The following NFIB variants were observed in gnomAD, a reference collection of about 807,000 sequenced individuals.
NFIB encodes the protein nuclear factor 1 B-type.
NFIB carries 11 observed loss-of-function variants against 61.5 expected under a neutral mutation model. That is an observed-to-expected ratio of 0.18 (90% CI 0.11 to 0.30). NFIB has a LOEUF of 0.30. Ranked by LOEUF, NFIB falls within the 10% of genes least tolerant of loss-of-function variation. The probability of loss-of-function intolerance (pLI) is 1.00; values close to 1 mark genes in which losing one functional copy is unlikely to be tolerated. For synonymous variants in NFIB, 260 were observed against 216.5 expected, an observed-to-expected ratio of 1.20 and a Z score of -1.76; for missense variants, 471 against 608.9, an observed-to-expected ratio of 0.77 and a Z score of 2.38.
At chr9:14,508,899 CTTAT>C in the NFIB span, among the ~76,000 whole-genome samples, 2 of 152,154 alleles carry the variant, frequency 1.3e-5, no homozygotes, top group African/African-American at 4.8e-5. Flanking sequence ...CAAATTGAAA[CTTAT>C]TTGTTTGACA....
At chr9:14,346,185 G>C (rs554438080) in intron 1 of NFIB, among the ~76,000 whole-genome samples, 22 of 152,076 alleles carry the variant, frequency 1.4e-4, no homozygotes, top group African/African-American at 5.1e-4. Context: ...CTTGCGGTGG[G>C]CGCCGGAGTC....
chr9:14,468,133 G>A, the NFIB span, among the ~76,000 whole-genome samples: 1 of 152,166 alleles, frequency 6.6e-6, no homozygotes, highest in African/African-American at 2.4e-5. Context: ...AAAACCAACC[G>A]ATTTGACAAA....
intron 2 of NFIB, among the ~76,000 whole-genome samples, chr9:14,258,232 C>A (rs1239740417): frequency 3.9e-5 from 6 of 152,312 alleles, no homozygotes; most frequent in African/African-American, 1.2e-4. Flanking sequence ...TTCCAACATG[C>A]AATTTAACCA....
chr9:14,273,008 A>T (rs890609727), intron 2 of NFIB, among the ~76,000 whole-genome samples: 3 of 152,208 alleles, frequency 2.0e-5, no homozygotes, highest in Admixed American at 2.0e-4. Flanking sequence ...GCCTAGACTA[A>T]AAATGAATTA....
chr9:14,467,265 T>G, the NFIB span, among the ~76,000 whole-genome samples: 18 of 152,188 alleles, frequency 1.2e-4, no homozygotes, highest in African/African-American at 4.3e-4. Context: ...ATTTTAATCC[T>G]TGACCTCCAC....
At chr9:14,455,830 A>T in the NFIB span, among the ~76,000 whole-genome samples, 3 of 152,204 alleles carry the variant, frequency 2.0e-5, no homozygotes, top group African/African-American at 7.2e-5. Context: ...AAAGAGGAAC[A>T]TTCTAAAAAA....
At chr9:14,390,805 G>C (rs2061610680) in intron 1 of NFIB, among the ~76,000 whole-genome samples, 1 of 152,154 alleles carries the variant, frequency 6.6e-6, no homozygotes, top group African/African-American at 2.4e-5. Context: ...AAATCTGCTG[G>C]CACATTGATC....
chr9:14,407,197 G>C, the NFIB span, among the ~76,000 whole-genome samples: 1 of 152,128 alleles, frequency 6.6e-6, no homozygotes, highest in African/African-American at 2.4e-5. Flanking sequence ...GTTAAATAAT[G>C]CCCTTAGGAT....
chr9:14,531,750 C>T, the NFIB span, among the ~76,000 whole-genome samples: 2 of 152,022 alleles, frequency 1.3e-5, no homozygotes, highest in Middle Eastern at 3.2e-3. Context: ...CCTATGCCCC[C>T]GGCCACAATA....
chr9:14,431,480 T>G, the NFIB span, among the ~76,000 whole-genome samples: 1 of 152,222 alleles, frequency 6.6e-6, no homozygotes, highest in African/African-American at 2.4e-5. Flanking sequence ...CTTAAAATAG[T>G]AAGAAGAAAT....
chr9:14,379,842 C>A (rs979613528), intron 1 of NFIB, among the ~76,000 whole-genome samples: 1 of 152,010 alleles, frequency 6.6e-6, no homozygotes, highest in African/African-American at 2.4e-5. Context: ...GCCACCACAC[C>A]CAGCTAGTTT....
chr9:14,460,276 C>A, the NFIB span, among the ~76,000 whole-genome samples: 3 of 151,806 alleles, frequency 2.0e-5, no homozygotes, highest in South Asian at 6.2e-4. Flanking sequence ...GGACAAAAAA[C>A]CAAACACCAC....
chr9:14,463,836 A>AT, the NFIB span, among the ~76,000 whole-genome samples: 2 of 151,504 alleles, frequency 1.3e-5, no homozygotes, highest in Non-Finnish European at 2.9e-5. Flanking sequence ...AATTTTTTGT[A>AT]TTTTTAGTAG....
intron 3 of NFIB, among the ~76,000 whole-genome samples, chr9:14,167,458 G>A (rs1426055462): frequency 6.6e-6 from 1 of 152,072 alleles, no homozygotes; most frequent in Non-Finnish European, 1.5e-5. Context: ...GCTTGAACCT[G>A]GGAGGCAGGG....
chr9:14,204,493 G>A lies in NFIB; in HGVS notation c.563-24713C>T, dbSNP rs2049408768. On this transcript the variant is annotated intron_variant, in intron 2 of 10. Coordinates refer to ENST00000380953, the MANE Select transcript of NFIB (RefSeq NM_001190737.2). ...TGAAAATGCCTCCTGCGATTAACCA[G>A]TTCACCCAGGACCTGGACCACCAAA... The A allele has an allele frequency of 5.7e-6, 6 of 1,057,522 alleles. No individual in the cohort carries two copies. In the Admixed American group the frequency reaches 8.6e-5, roughly 15 times the overall value. 65.5% of individuals were successfully genotyped at this position (1,057,522 alleles called of 1,614,324 possible). A position where few individuals can be genotyped will look rare whatever the true frequency, so the allele number is the denominator to read the frequency against.
At chr9:14,323,777 A>G (rs1489862606) in intron 1 of NFIB, among the ~76,000 whole-genome samples, 1 of 152,204 alleles carries the variant, frequency 6.6e-6, no homozygotes, top group Non-Finnish European at 1.5e-5. Context: ...TACCTCCTAC[A>G]ACACGCAGTA....
chr9:14,150,304 G>A lies in NFIB; in HGVS notation c.686-39C>T, dbSNP rs375805283. 1.8e-5 allele frequency: 29 copies of A among 1,611,892 alleles called. No individual in the cohort carries two copies. The African/African-American group carries it at 2.9e-4, about 16-fold the overall frequency. Reference sequence around the variant, plus strand: ...CAAAGAAGCACTGGGAATGACATTCGTATTTCTGACCTCTATTCAAATGTA... The same window carrying A: ...CAAAGAAGCACTGGGAATGACATTCATATTTCTGACCTCTATTCAAATGTA... On this transcript the variant is annotated intron_variant, in intron 4 of 10. Coordinates refer to ENST00000380953, the MANE Select transcript of NFIB (RefSeq NM_001190737.2).
chr9:14,490,992 G>T, the NFIB span, among the ~76,000 whole-genome samples: 1 of 152,116 alleles, frequency 6.6e-6, no homozygotes, highest in African/African-American at 2.4e-5. Flanking sequence ...ATTGACTAAA[G>T]AATAAATAAT....
At chr9:14,344,269 CGA>C (rs2060991827) in intron 1 of NFIB, among the ~76,000 whole-genome samples, 2 of 151,496 alleles carry the variant, frequency 1.3e-5, no homozygotes, top group Admixed American at 6.6e-5. Context: ...CAGAAAGGGC[CGA>C]GAGAGGGGGG....
Sources: allele counts gnomAD v4.1 joint callset (sites outside exome capture counted in the v4.1 genomes callset), GRCh38; gene constraint gnomAD v4.1.1; transcripts MANE v1.5; gene names NCBI Gene and HGNC (gene_info 2026-07-23, HGNC 2026-07-21).